The following SRL variants were observed in gnomAD, a reference collection of about 807,000 sequenced individuals.
The protein encoded by SRL is sarcalumenin.
A neutral mutation model predicts 39.5 loss-of-function variants in SRL; 23 were observed. The observed-to-expected ratio is 0.58, with a 90% confidence interval of 0.42 to 0.82. The LOEUF (loss-of-function observed/expected upper bound fraction) is 0.82, where lower values mean the gene tolerates loss of function less well. Among genes scored for constraint, SRL ranks in the 40% least tolerant of loss-of-function variants. The pLI is 0.00. For missense variants in SRL, 592 were observed against 607.8 expected (o/e 0.97, Z 0.27); for synonymous variants, 272 against 237.4 (o/e 1.15, Z -1.34).
At chr16:4,207,319 C>G in intron 1 of SRL, 1 of 456,790 alleles carries the variant, frequency 2.2e-6, no homozygotes, top group Non-Finnish European at 4.4e-6. Flanking sequence ...ACGCTTTGGG[C>G]GCCCCCAGGC....
chr16:4,204,420 G>GCCTC (rs1287198597), intron 2 of SRL, 113 bp downstream of exon 2: 4 of 952,912 alleles, frequency 4.2e-6, no homozygotes, highest in Non-Finnish European at 6.6e-6. Context: ...TACAGCCCCG[G>GCCTC]CCTCCAAGAT....
At chr16:4,222,308 C>A (rs2052539794) in intron 1 of SRL, among the ~76,000 whole-genome samples, 1 of 152,230 alleles carries the variant, frequency 6.6e-6, no homozygotes, top group Non-Finnish European at 1.5e-5. Context: ...GGGTCTCACT[C>A]TTGTAACCCA....
At chr16:4,228,711 G>A (rs1461845428) in intron 1 of SRL, among the ~76,000 whole-genome samples, 15 of 151,924 alleles carry the variant, frequency 9.9e-5, no homozygotes, top group Non-Finnish European at 1.6e-4. Context: ...CTCCAGCCTG[G>A]GTGACAGAGC....
At chr16:4,206,765 T>A (rs1333615016) in intron 1 of SRL, 1 of 456,792 alleles carries the variant, frequency 2.2e-6, no homozygotes, top group Non-Finnish European at 4.4e-6. Flanking sequence ...CCCCCTGATG[T>A]CCCTCCTCGG....
In SRL at chr16:4,202,366, G is replaced by A. The variant is rs192635461; in HGVS notation, c.259+800C>T. ...CCCAGCACTTTGGGAGGCCGAAGCG[G>A]GCAGATCACGAGGTCCGCAGACAGA... On this transcript the variant is annotated intron_variant, in intron 3 of 5. Coordinates refer to ENST00000399609, the MANE Select transcript of SRL (RefSeq NM_001098814.2). 2.2e-3 allele frequency among the ~76,000 whole-genome samples: 336 copies of A among 152,242 alleles called. 2 individuals carry two copies. The highest frequency in any genetic ancestry group is 7.9e-3 in the African/African-American group (327 of 41,540).
chr16:4,206,156 C>A (rs538214969), intron 1 of SRL, among the ~76,000 whole-genome samples: 2 of 152,188 alleles, frequency 1.3e-5, no homozygotes, highest in Non-Finnish European at 2.9e-5. Flanking sequence ...GGCCCTTCCC[C>A]CTCTGCTCCT....
At chr16:4,224,723 A>G (rs1331959117) in intron 1 of SRL, among the ~76,000 whole-genome samples, 1 of 147,668 alleles carries the variant, frequency 6.8e-6, no homozygotes, top group Non-Finnish European at 1.5e-5. Context: ...CTATCTCGAG[A>G]AAAAAAAAAA....
intron 2 of SRL, among the ~76,000 whole-genome samples, chr16:4,203,581 G>A (rs933168754): frequency 3.3e-5 from 5 of 152,114 alleles, no homozygotes; most frequent in African/African-American, 1.2e-4. Context: ...GAGTGCAGTG[G>A]TGCAATCATA....
chr16:4,203,428 G>A (rs966231778), intron 2 of SRL, among the ~76,000 whole-genome samples, 167 bp from the exon 3 acceptor site: 1 of 152,180 alleles, frequency 6.6e-6, no homozygotes, highest in Non-Finnish European at 1.5e-5. Context: ...ATGGGGAGCT[G>A]GCCCACATCT....
chr16:4,237,922 C>G (rs2052730482), intron 1 of SRL, among the ~76,000 whole-genome samples: 1 of 152,232 alleles, frequency 6.6e-6, no homozygotes, highest in African/African-American at 2.4e-5. Context: ...CCCAGTGACA[C>G]TGATGTGTGT....
In SRL at chr16:4,241,662, C is replaced by G. The variant is rs151220291; in HGVS notation, c.61+345G>C. ...AACGACCTCCAGCTCCCAGACTGTGCTATTTTGTCCGTCTCAGAGGCTCCC... is the reference window on the plus strand; with the variant it reads ...AACGACCTCCAGCTCCCAGACTGTGGTATTTTGTCCGTCTCAGAGGCTCCC... On this transcript the variant is annotated intron_variant, in intron 1 of 5. Coordinates refer to ENST00000399609, the MANE Select transcript of SRL (RefSeq NM_001098814.2). 7.0e-3 allele frequency among the ~76,000 whole-genome samples: 1,064 copies of G among 152,268 alleles called. 16 individuals are homozygous for G. Among genetic ancestry groups the G allele is most frequent in the African/African-American group, 0.024 (1,014 of 41,566 alleles).
At chr16:4,203,925 C>A (rs2052275661) in intron 2 of SRL, among the ~76,000 whole-genome samples, 1 of 152,242 alleles carries the variant, frequency 6.6e-6, no homozygotes, top group African/African-American at 2.4e-5. Context: ...CTCCCAGACA[C>A]TCCCCGGAGG....
At chr16:4,225,554 A>T (rs1009272332) in intron 1 of SRL, among the ~76,000 whole-genome samples, 4 of 152,220 alleles carry the variant, frequency 2.6e-5, no homozygotes, top group East Asian at 1.9e-4. Context: ...AGTGCACTCC[A>T]GCCGGGGTGA....
Position 4,204,522 on chromosome 16 carries a change from C to T in SRL, c.163+11G>A, listed in dbSNP as rs60137128. On this transcript the variant is annotated intron_variant, in intron 2 of 5. Transcript: ENST00000399609. Reference sequence around the variant, plus strand: ...CTCCCAGCCCTGGGCATATCTCCCTCCCCTGGTTACCAGAGTAGTCATCGG... The same window carrying T: ...CTCCCAGCCCTGGGCATATCTCCCTTCCCTGGTTACCAGAGTAGTCATCGG... The T allele has an allele frequency of 0.38, 605,786 of 1,602,816 alleles. 119,140 individuals are homozygous for T. Among genetic ancestry groups the T allele is most frequent in the Non-Finnish European group, 0.4 (473,903 of 1,170,392 alleles).
intron 1 of SRL, among the ~76,000 whole-genome samples, chr16:4,231,838 A>G (rs983646693): frequency 6.6e-6 from 1 of 152,226 alleles, no homozygotes; most frequent in Non-Finnish European, 1.5e-5. Flanking sequence ...CATTCTTGTC[A>G]TAGTCCTTTT....
At chr16:4,214,441 C>T (rs2052430379) in intron 1 of SRL, among the ~76,000 whole-genome samples, 1 of 152,226 alleles carries the variant, frequency 6.6e-6, no homozygotes, top group East Asian at 1.9e-4. Context: ...GCAGGAATCA[C>T]TCTCCAAATC....
At chr16:4,232,744 TC>T (rs1437684542) in intron 1 of SRL, among the ~76,000 whole-genome samples, 2 of 152,172 alleles carry the variant, frequency 1.3e-5, no homozygotes, top group African/African-American at 4.8e-5. Context: ...ACTCCTGCGG[TC>T]AAGGGATCTA....
chr16:4,203,003 G>C (rs1043016429), intron 3 of SRL, among the ~76,000 whole-genome samples, 163 bp downstream of exon 3: 2 of 152,208 alleles, frequency 1.3e-5, no homozygotes, highest in African/African-American at 4.8e-5. Flanking sequence ...CAACTCCCAG[G>C]GGGAGCCCAG....
At chr16:4,224,195 C>T (rs1361611739) in intron 1 of SRL, among the ~76,000 whole-genome samples, 2 of 152,022 alleles carry the variant, frequency 1.3e-5, no homozygotes, top group Non-Finnish European at 2.9e-5. Flanking sequence ...AAGTGTTCTC[C>T]CCTAATCAGC....
Sources: gnomAD v4.1 joint callset for allele counts (sites outside exome capture counted in the v4.1 genomes callset) on GRCh38, gnomAD v4.1.1 for gene constraint, MANE v1.5 for transcripts, NCBI Gene and HGNC (gene_info 2026-07-23, HGNC 2026-07-21) for gene names.